SMYD3: variants seen among roughly 807,000 people sequenced by gnomAD.
SMYD3 encodes histone-lysine N-methyltransferase SMYD3.
A neutral mutation model predicts 57.7 loss-of-function variants in SMYD3; 36 were observed. The ratio of observed to expected loss-of-function variants is 0.62; its 90% CI spans 0.48 to 0.82. SMYD3 has a LOEUF of 0.82. Ranked by LOEUF, SMYD3 falls within the 40% of genes least tolerant of loss-of-function variation. The pLI is 0.00. For synonymous variants in SMYD3, 211 were observed against 195.0 expected (o/e 1.08, Z -0.68); for missense variants, 515 against 538.8 (o/e 0.96, Z 0.44).
At chr1:246,119,211 T>C (rs1218032014) in intron 5 of SMYD3, among the ~76,000 whole-genome samples, 2 of 151,798 alleles carry the variant, frequency 1.3e-5, no homozygotes, top group Non-Finnish European at 2.9e-5. Flanking sequence ...TTTTGGAAGT[T>C]GGTCTCAAAC....
At chr1:245,980,949 C>T (rs920303969) in intron 5 of SMYD3, among the ~76,000 whole-genome samples, 4 of 152,194 alleles carry the variant, frequency 2.6e-5, no homozygotes, top group Non-Finnish European at 5.9e-5. Flanking sequence ...TGCTTTTGAG[C>T]TACAAGGCAG....
intron 5 of SMYD3, among the ~76,000 whole-genome samples, chr1:246,200,010 G>T (rs1277141092): frequency 6.6e-6 from 1 of 151,770 alleles, no homozygotes; most frequent in African/African-American, 2.4e-5. Flanking sequence ...CTGTAATAGA[G>T]AAGATAGAAG....
At chr1:245,750,706 G>T (rs1200832551) in intron 11 of SMYD3, among the ~76,000 whole-genome samples, 3 of 105,556 alleles carry the variant, frequency 2.8e-5, no homozygotes, top group African/African-American at 1.1e-4. Flanking sequence ...ATATTATCCT[G>T]CCCTGCCCAA....
At chr1:246,163,949 A>G (rs2062162862) in intron 5 of SMYD3, among the ~76,000 whole-genome samples, 1 of 152,146 alleles carries the variant, frequency 6.6e-6, no homozygotes, top group African/African-American at 2.4e-5. Context: ...ATGCTCGGAG[A>G]TCTGCAGACA....
intron 10 of SMYD3, among the ~76,000 whole-genome samples, chr1:245,774,938 A>G (rs2046505604): frequency 6.6e-6 from 1 of 152,084 alleles, no homozygotes; most frequent in Non-Finnish European, 1.5e-5. Context: ...CCTAACCGCG[A>G]GTGATCCGCC....
chr1:246,059,033 C>T (rs1006289353), intron 5 of SMYD3, among the ~76,000 whole-genome samples: 3 of 152,110 alleles, frequency 2.0e-5, no homozygotes, highest in African/African-American at 7.2e-5. Context: ...CGCCACCATG[C>T]CCGGCTAAAT....
intron 1 of SMYD3, among the ~76,000 whole-genome samples, chr1:246,506,632 T>C (rs1415816961): frequency 1.3e-5 from 2 of 152,106 alleles, no homozygotes; most frequent in African/African-American, 2.4e-5. Context: ...GGGAGCCTGA[T>C]TTATACTCAT....
chr1:246,432,620 A>C (rs1414907510), intron 1 of SMYD3, among the ~76,000 whole-genome samples: 1 of 152,192 alleles, frequency 6.6e-6, no homozygotes, highest in Non-Finnish European at 1.5e-5. Flanking sequence ...ATACTGGAAG[A>C]CTTCTCTGTG....
intron 3 of SMYD3, among the ~76,000 whole-genome samples, chr1:246,332,002 A>G (rs1161287258): frequency 1.3e-5 from 2 of 152,152 alleles, no homozygotes; most frequent in African/African-American, 4.8e-5. Context: ...CTATTCCCCT[A>G]TCTCTTCCCT....
chr1:246,058,276 C>T (rs560538945), intron 5 of SMYD3, among the ~76,000 whole-genome samples: 2 of 152,234 alleles, frequency 1.3e-5, no homozygotes, highest in African/African-American at 4.8e-5. Flanking sequence ...AAATGTCCCA[C>T]TCTGGTAGAG....
intron 5 of SMYD3, among the ~76,000 whole-genome samples, chr1:246,074,244 C>A (rs998261881): frequency 1.3e-5 from 2 of 151,942 alleles, no homozygotes; most frequent in African/African-American, 4.8e-5. Context: ...AAGCAGTCTG[C>A]AGCTCCAAAG....
chr1:246,149,743 G>GT (rs1316561217), intron 5 of SMYD3, among the ~76,000 whole-genome samples: 1 of 152,182 alleles, frequency 6.6e-6, no homozygotes, highest in Non-Finnish European at 1.5e-5. Flanking sequence ...AATATGCCAA[G>GT]TAGACAGAAT....
At chr1:246,314,054 G>T (rs970777595) in intron 5 of SMYD3, among the ~76,000 whole-genome samples, 9 of 152,124 alleles carry the variant, frequency 5.9e-5, no homozygotes, top group African/African-American at 2.2e-4. Context: ...CATCAGCACA[G>T]AATCATTTGA....
chr1:246,172,345 T>C (rs935269038), intron 5 of SMYD3, among the ~76,000 whole-genome samples: 1 of 147,412 alleles, frequency 6.8e-6, no homozygotes. Flanking sequence ...TGTACTCTAC[T>C]GTAGACTTTA....
intron 8 of SMYD3, among the ~76,000 whole-genome samples, chr1:245,880,384 C>T (rs1295768162): frequency 6.6e-6 from 1 of 152,208 alleles, no homozygotes; most frequent in African/African-American, 2.4e-5. Context: ...GCTGGCTGAA[C>T]AACCAACTAT....
rs903542578 is a variant in SMYD3 at position 246,179,982 on chromosome 1, G to C, written c.531+147219C>G. On this transcript the variant is annotated intron_variant, in intron 5 of 11. Transcript: ENST00000490107. ...CTTGTTATCAGAGTAGCAGCCAAAA[G>C]AGGAAAAGGTGTGAATTAAGTACTC... 2.6e-5 allele frequency among the ~76,000 whole-genome samples: 4 copies of C among 152,164 alleles called. No individual in the cohort carries two copies. In the South Asian group the frequency reaches 6.2e-4, roughly 24 times the overall value.
At position 246,327,331 on chromosome 1, in the gene SMYD3, T is replaced by TGC. The variant is rs2065372876; in HGVS notation, c.400_401insGC (p.Asn134SerfsTer4). The TGC allele has an allele frequency of 6.2e-7, 1 of 1,607,400 alleles. No homozygotes were observed. Among genetic ancestry groups the TGC allele is most frequent in the African/African-American group, 1.3e-5 (1 of 74,304 alleles). Reference sequence around the variant, plus strand: ...CTCTTTCTTATCTTCAGTCAGTTTGTTAATATCTTTTTTAAAGAGAAAATA... The same window carrying TGC: ...CTCTTTCTTATCTTCAGTCAGTTTGTGCTAATATCTTTTTTAAAGAGAAAATA... On this transcript the variant is annotated frameshift_variant, in exon 5 of 12. Coordinates refer to ENST00000490107, the MANE Select transcript of SMYD3 (RefSeq NM_001167740.2). LOFTEE classifies it high-confidence loss of function.
intron 5 of SMYD3, among the ~76,000 whole-genome samples, chr1:246,050,920 GA>G (rs1404109739): frequency 6.6e-6 from 1 of 152,036 alleles, no homozygotes; most frequent in African/African-American, 2.4e-5. Flanking sequence ...ATAGTAAACT[GA>G]TTGAAAAAAT....
chr1:246,499,725 G>C (rs12136826), intron 1 of SMYD3, among the ~76,000 whole-genome samples: 61,515 of 151,960 alleles, frequency 0.4, 14,226 homozygotes, highest in East Asian at 0.71. Context: ...CAAAGTGCTG[G>C]AATTACAGGT....
Sources: allele counts gnomAD v4.1 joint callset (sites outside exome capture counted in the v4.1 genomes callset), GRCh38; gene constraint gnomAD v4.1.1; transcripts MANE v1.5; gene names NCBI Gene and HGNC (gene_info 2026-07-23, HGNC 2026-07-21).